Variants in CPD observed in about 807,000 individuals in gnomAD.
CPD encodes metallocarboxypeptidase D.
Under a neutral mutation model 138.3 loss-of-function variants are expected in CPD, and 69 were observed. The ratio of observed to expected loss-of-function variants is 0.50; its 90% CI spans 0.41 to 0.61. CPD has a LOEUF of 0.61. Ranked by LOEUF, CPD falls within the 20% of genes least tolerant of loss-of-function variation. CPD has a pLI of 0.00. For synonymous variants in CPD, 651 were observed against 642.1 expected, an observed-to-expected ratio of 1.01 and a Z score of -0.21; for missense variants, 1,432 against 1,733.3, an observed-to-expected ratio of 0.83 and a Z score of 3.09.
intron 1 of CPD, 100 bp from the exon 2 acceptor site, chr17:30,384,889 G>T: frequency 2.3e-6 from 3 of 1,306,530 alleles, no homozygotes; most frequent in Non-Finnish European, 3.2e-6. Flanking sequence ...CTCCAAGAGA[G>T]ATATTGGAGT....
At chr17:30,459,785 G>A (rs1192914557) in intron 17 of CPD, among the ~76,000 whole-genome samples, 3 of 151,998 alleles carry the variant, frequency 2.0e-5, no homozygotes, top group Non-Finnish European at 2.9e-5. Context: ...CATTATTTAG[G>A]TCTTCTTTAA....
At chr17:30,392,962 A>T (rs1009047367) in intron 2 of CPD, among the ~76,000 whole-genome samples, 5 of 152,220 alleles carry the variant, frequency 3.3e-5, no homozygotes, top group African/African-American at 4.8e-5. Flanking sequence ...GACAGCTGCC[A>T]TAAAGCTTTA....
intron 2 of CPD, among the ~76,000 whole-genome samples, chr17:30,409,339 C>G (rs1198375374): frequency 1.4e-5 from 2 of 146,068 alleles, no homozygotes; most frequent in Non-Finnish European, 3.0e-5. Context: ...GTGTCTCTGC[C>G]AGGCTTTGGT....
intron 2 of CPD, among the ~76,000 whole-genome samples, chr17:30,402,182 T>A (rs1165949398): frequency 6.6e-6 from 1 of 152,152 alleles, no homozygotes; most frequent in African/African-American, 2.4e-5. Context: ...TTTAATTTAG[T>A]TACTGTATTT....
At chr17:30,433,556 T>C (rs1912619987) in intron 8 of CPD, among the ~76,000 whole-genome samples, 4 of 152,158 alleles carry the variant, frequency 2.6e-5, no homozygotes, top group Admixed American at 2.6e-4. Flanking sequence ...TTATCTCTTT[T>C]CTCCATACCA....
At chr17:30,411,070 C>G (rs1317590009) in intron 2 of CPD, among the ~76,000 whole-genome samples, 1 of 152,144 alleles carries the variant, frequency 6.6e-6, no homozygotes, top group Non-Finnish European at 1.5e-5. Flanking sequence ...CAAAATCTCT[C>G]AGCATTTGCT....
chr17:30,438,955 G>C lies in CPD; in HGVS notation c.2128-20G>C. ...GGAGATACAAACAAATAGAAGTAAA[G>C]ATTCTTTTTGTTTTTCCAGGAAAAT... On this transcript the variant is annotated intron_variant, in intron 8 of 20. Coordinates refer to ENST00000225719, the MANE Select transcript of CPD (RefSeq NM_001304.5). 7.3e-7 allele frequency: 1 copy of C among 1,370,504 alleles called. No homozygotes were observed. Among genetic ancestry groups the C allele is most frequent in the South Asian group, 1.3e-5 (1 of 77,276 alleles). The allele number at this position is 1,370,504 out of a possible 1,614,324, so 84.9% of individuals were successfully genotyped here.
intron 18 of CPD, 56 bp from the exon 19 acceptor site, chr17:30,461,821 C>G: frequency 6.9e-7 from 1 of 1,449,720 alleles, no homozygotes. Flanking sequence ...AAGCTAGTGC[C>G]TCTACCATGT....
chr17:30,407,499 A>T (rs1911834018), intron 2 of CPD, among the ~76,000 whole-genome samples: 1 of 152,116 alleles, frequency 6.6e-6, no homozygotes, highest in South Asian at 2.1e-4. Flanking sequence ...CTTTTTAATG[A>T]TCGCCATTCT....
intron 2 of CPD, among the ~76,000 whole-genome samples, chr17:30,420,251 G>A (rs1912230798): frequency 6.6e-6 from 1 of 152,084 alleles, no homozygotes; most frequent in South Asian, 2.1e-4. Context: ...CCTGATTTGT[G>A]TAGCTGTGCC....
intron 2 of CPD, among the ~76,000 whole-genome samples, chr17:30,408,921 A>G (rs531024498): frequency 4.2e-4 from 64 of 152,096 alleles, no homozygotes; most frequent in African/African-American, 1.4e-3. Flanking sequence ...ATTCAAAAAA[A>G]CTGGCACAGT....
At chr17:30,419,290 C>T (rs1447394449) in intron 2 of CPD, among the ~76,000 whole-genome samples, 1 of 152,160 alleles carries the variant, frequency 6.6e-6, no homozygotes, top group Non-Finnish European at 1.5e-5. Flanking sequence ...TCAGAATTGT[C>T]TGTTTTTCAT....
intron 2 of CPD, among the ~76,000 whole-genome samples, chr17:30,405,604 G>A (rs1012552054): frequency 7.9e-5 from 12 of 151,924 alleles, no homozygotes; most frequent in Non-Finnish European, 1.8e-4. Flanking sequence ...AAATGCTTTT[G>A]TTTCAGTTAC....
In CPD at chr17:30,467,877, A is replaced by G. The variant is rs1487817950; in HGVS notation, c.*3063A>G. ...AATGAATTCTGTAATAGTGCCCTAC[A>G]TTATGGTTTTCTGGTGGAATTGTTT... On this transcript the variant is annotated 3_prime_UTR_variant, in exon 21 of 21. Coordinates refer to ENST00000225719, the MANE Select transcript of CPD (RefSeq NM_001304.5). 2 of 152,104 alleles carry G rather than the reference A, an allele frequency of 1.3e-5. No individual in the cohort carries two copies. The highest frequency in any genetic ancestry group is 2.9e-5 in the Non-Finnish European group (2 of 67,980). 9.4% of individuals were successfully genotyped at this position (152,104 alleles called of 1,614,324 possible).
intron 2 of CPD, among the ~76,000 whole-genome samples, chr17:30,418,142 T>C (rs1912165116): frequency 6.6e-6 from 1 of 152,112 alleles, no homozygotes; most frequent in Non-Finnish European, 1.5e-5. Flanking sequence ...AAATTGAAAT[T>C]AGTGGCATAG....
intron 2 of CPD, among the ~76,000 whole-genome samples, chr17:30,410,083 C>T (rs2143381721): frequency 6.6e-6 from 1 of 152,266 alleles, no homozygotes; most frequent in South Asian, 2.1e-4. Flanking sequence ...TTTCAAAGAA[C>T]ATCTTTATTT....
At chr17:30,428,903 T>C (rs544690066) in intron 7 of CPD, among the ~76,000 whole-genome samples, 2 of 150,568 alleles carry the variant, frequency 1.3e-5, no homozygotes, top group East Asian at 3.9e-4. Context: ...AAGTGACAAG[T>C]ATTAGCACCA....
At chr17:30,434,765 T>C (rs1339719600) in intron 8 of CPD, among the ~76,000 whole-genome samples, 6 of 151,634 alleles carry the variant, frequency 4.0e-5, no homozygotes, top group African/African-American at 1.5e-4. Flanking sequence ...AACTTTAAAA[T>C]CAGAAGATTC....
At position 30,407,674 on chromosome 17, in the gene CPD, T is replaced by G. The variant is rs185085023; in HGVS notation, c.995-13167T>G. Among the ~76,000 whole-genome samples, 208 of 152,320 alleles carry G rather than the reference T, an allele frequency of 1.4e-3. 2 individuals carry two copies. The highest frequency in any genetic ancestry group is 4.2e-3 in the African/African-American group (175 of 41,572). On this transcript the variant is annotated intron_variant, in intron 2 of 20. Transcript: ENST00000225719. ...TTTTTGATGGGGTTGTTTGTTTTTTTCTTGTAAATTTGTTTAAGTTCTTTA... is the reference window on the plus strand; with the variant it reads ...TTTTTGATGGGGTTGTTTGTTTTTTGCTTGTAAATTTGTTTAAGTTCTTTA...
Sources: gnomAD v4.1 joint callset for allele counts (sites outside exome capture counted in the v4.1 genomes callset) on GRCh38, gnomAD v4.1.1 for gene constraint, MANE v1.5 for transcripts, NCBI Gene and HGNC (gene_info 2026-07-23, HGNC 2026-07-21) for gene names.